SCNN1G: variants seen among roughly 807,000 people sequenced by gnomAD.
The protein encoded by SCNN1G is epithelial sodium channel subunit gamma.
In SCNN1G, 27 loss-of-function variants were observed where a neutral mutation model predicts 64.6. That is an observed-to-expected ratio of 0.42 (90% confidence interval 0.31 to 0.58). The LOEUF (loss-of-function observed/expected upper bound fraction) is 0.58, where lower values mean the gene tolerates loss of function less well. Ranked by LOEUF, SCNN1G falls within the 20% of genes least tolerant of loss-of-function variation. SCNN1G has a pLI of 0.18. For missense variants in SCNN1G, 743 were observed against 823.4 expected (o/e 0.90, Z 1.19); for synonymous variants, 330 against 314.2 (o/e 1.05, Z -0.53).
chr16:23,213,549 G>T (rs1960115997), intron 11 of SCNN1G, among the ~76,000 whole-genome samples: 1 of 152,184 alleles, frequency 6.6e-6, no homozygotes, highest in African/African-American at 2.4e-5. Flanking sequence ...ACCAAGCCTG[G>T]CCCCCTCTCC....
chr16:23,203,240 T>C (rs1959921307), intron 6 of SCNN1G, among the ~76,000 whole-genome samples: 1 of 152,152 alleles, frequency 6.6e-6, no homozygotes, highest in Non-Finnish European at 1.5e-5. Flanking sequence ...ACCAGTGTTC[T>C]ATGCCAGAGT....
chr16:23,197,518 G>A (rs1959815674), intron 6 of SCNN1G, 91 bp downstream of exon 6: 3 of 1,203,458 alleles, frequency 2.5e-6, no homozygotes, highest in South Asian at 1.2e-5. Context: ...ATGGAAAAGG[G>A]TGTTTGTTTC....
At chr16:23,185,830 A>G (rs757159504) in intron 1 of SCNN1G, among the ~76,000 whole-genome samples, 6 of 152,130 alleles carry the variant, frequency 3.9e-5, no homozygotes, top group Non-Finnish European at 8.8e-5. Flanking sequence ...GCCCTTGAGG[A>G]AGGCGGGCTA....
intron 6 of SCNN1G, 65 bp from the exon 7 acceptor site, chr16:23,209,685 C>T (rs1960046974): frequency 9.0e-6 from 11 of 1,227,754 alleles, no homozygotes; most frequent in African/African-American, 1.5e-5. Context: ...TCTGGTGCTC[C>T]TTGCAAAGCC....
rs1461789828 is a variant in SCNN1G, at chr16:23,198,831, G to T, written c.1077+1404G>T. ...GCCACTCAGGAGGCTGAAGTGGGAC[G>T]ATCACTTGAGCTCAGGAGTTCAAGA... On this transcript the variant is annotated intron_variant, in intron 6 of 12. Transcript: ENST00000300061. 2.6e-5 allele frequency among the ~76,000 whole-genome samples: 4 copies of T among 151,936 alleles called. No individual in the cohort carries two copies. The South Asian group carries it at 8.3e-4, about 32-fold the overall frequency.
intron 6 of SCNN1G, among the ~76,000 whole-genome samples, chr16:23,200,289 A>T (rs1488468416): frequency 6.6e-6 from 1 of 151,720 alleles, no homozygotes; most frequent in African/African-American, 2.4e-5. Context: ...GTTTAAATTT[A>T]AAAAATTTTT....
intron 12 of SCNN1G, 119 bp downstream of exon 12, chr16:23,214,906 A>T: frequency 9.2e-7 from 1 of 1,087,592 alleles, no homozygotes; most frequent in Non-Finnish European, 1.4e-6. Flanking sequence ...GGGCTGTTGT[A>T]GGCTAGCCAG....
At chr16:23,201,363 TG>T (rs1191884991) in intron 6 of SCNN1G, among the ~76,000 whole-genome samples, 12 of 152,318 alleles carry the variant, frequency 7.9e-5, no homozygotes, top group Admixed American at 3.3e-4. Context: ...GCTCTGAGCT[TG>T]GAAATACCCA....
chr16:23,191,976 G>C (rs1959715614), intron 3 of SCNN1G, among the ~76,000 whole-genome samples: 1 of 152,170 alleles, frequency 6.6e-6, no homozygotes, highest in African/African-American at 2.4e-5. Context: ...GTCTGGGCTG[G>C]AATCCAGATG....
At chr16:23,192,787 G>T (rs1390358640) in intron 4 of SCNN1G, among the ~76,000 whole-genome samples, 2 of 152,042 alleles carry the variant, frequency 1.3e-5, no homozygotes, top group Admixed American at 1.3e-4. Context: ...AAGGTAGTTG[G>T]CCAGGCATGG....
At position 23,215,074 on chromosome 16, in the gene SCNN1G, T is replaced by C. The variant is rs554702627; in HGVS notation, c.1570-15T>C. Reference sequence around the variant, plus strand: ...GGAGGTTCCTCTTGATGGTGTGGCTTGGCCTGTCTTGCAGATTGAGATGCT... The same window carrying C: ...GGAGGTTCCTCTTGATGGTGTGGCTCGGCCTGTCTTGCAGATTGAGATGCT... On this transcript the variant is annotated splice_polypyrimidine_tract_variant and intron_variant, in intron 12 of 12. Coordinates refer to ENST00000300061, the MANE Select transcript of SCNN1G (RefSeq NM_001039.4). 3.6e-5 allele frequency: 58 copies of C among 1,613,946 alleles called. No homozygotes were observed. The South Asian group carries it at 5.9e-4, about 16-fold the overall frequency.
intron 6 of SCNN1G, among the ~76,000 whole-genome samples, chr16:23,205,703 G>GAAA (rs150778285): frequency 1.2e-4 from 17 of 137,166 alleles, no homozygotes; most frequent in African/African-American, 4.4e-4. Flanking sequence ...CCATCTCCAA[G>GAAA]AAAAAAAAAA....
rs72647529 is a variant in SCNN1G, at chr16:23,213,135, G to C, written c.1465G>C (p.Gly489Arg). ...GCTGCCTGTTCTCACTTGGGACCAA[G>C]GCCGGCAAGTAAACAAAAAGCTCAA... Reference protein sequence around the residue: ...WLLPVLTWDQGRQVNKKLNKT... With the variant: ...WLLPVLTWDQRRQVNKKLNKT... Residue 489 changes from glycine to arginine, a missense_variant, in exon 11 of 13, where the codon GGC becomes CGC. Gly to Arg is a moderately radical substitution (Grantham distance 125). Coordinates refer to ENST00000300061, the MANE Select transcript of SCNN1G (RefSeq NM_001039.4). 1.1e-4 allele frequency: 183 copies of C among 1,613,436 alleles called. No individual in the cohort carries two copies. Among genetic ancestry groups the C allele is most frequent in the Non-Finnish European group, 1.5e-4 (173 of 1,179,884 alleles).
intron 6 of SCNN1G, among the ~76,000 whole-genome samples, chr16:23,205,726 C>T (rs1350861041): frequency 6.6e-6 from 1 of 151,820 alleles, no homozygotes; most frequent in Admixed American, 6.6e-5. Context: ...AAAGTCCCTC[C>T]CAGGTCTGCA....
At chr16:23,205,204 C>T (rs939198795) in intron 6 of SCNN1G, among the ~76,000 whole-genome samples, 52 of 152,148 alleles carry the variant, frequency 3.4e-4, no homozygotes, top group African/African-American at 1.2e-3. Flanking sequence ...AGCCTACATT[C>T]CTGACCCCTT....
chr16:23,192,248 C>T, intron 3 of SCNN1G, 104 bp from the exon 4 acceptor site: 1 of 938,226 alleles, frequency 1.1e-6, no homozygotes, highest in Non-Finnish European at 1.7e-6. Flanking sequence ...CAACCTGTTC[C>T]CCTGAGTATC....
intron 5 of SCNN1G, chr16:23,194,729 C>T (rs929296641): frequency 3.4e-5 from 7 of 206,298 alleles, no homozygotes; most frequent in Non-Finnish European, 5.0e-5. Flanking sequence ...CAAGTTACTG[C>T]GCTTCGTCTA....
At chr16:23,192,684 T>C in intron 4 of SCNN1G, 142 bp downstream of exon 4, 1 of 715,268 alleles carries the variant, frequency 1.4e-6, no homozygotes, top group South Asian at 1.5e-5. Flanking sequence ...TGGAAACTGC[T>C]TACATGGGAG....
At chr16:23,188,913 T>G (rs1047259263) in intron 2 of SCNN1G, among the ~76,000 whole-genome samples, 2 of 152,186 alleles carry the variant, frequency 1.3e-5, no homozygotes, top group African/African-American at 4.8e-5. Flanking sequence ...GTAACAGTTA[T>G]ACCCTCCTTC....
Sources: allele counts gnomAD v4.1 joint callset (sites outside exome capture counted in the v4.1 genomes callset), GRCh38; gene constraint gnomAD v4.1.1; transcripts MANE v1.5; gene names NCBI Gene and HGNC (gene_info 2026-07-23, HGNC 2026-07-21).